EEF2K: variants seen among roughly 807,000 people sequenced by gnomAD.
EEF2K encodes the protein eukaryotic elongation factor 2 kinase, also known as alternative protein EEF2K.
A neutral mutation model predicts 93.8 loss-of-function variants in EEF2K; 70 were observed. That is an observed-to-expected ratio of 0.75 (90% CI 0.62 to 0.91). EEF2K has a LOEUF of 0.91. Ranked by LOEUF, EEF2K falls within the 40% of genes least tolerant of loss-of-function variation. The pLI is 0.00. For synonymous variants in EEF2K, 376 were observed against 380.8 expected (o/e 0.99, Z 0.15); for missense variants, 935 against 972.9 (o/e 0.96, Z 0.52).
intron 1 of EEF2K, among the ~76,000 whole-genome samples, chr16:22,225,236 G>A (rs546364208): frequency 6.2e-4 from 94 of 152,240 alleles, no homozygotes; most frequent in Non-Finnish European, 1.1e-3. Context: ...GAGCAGCCAG[G>A]GCCGGAGGAG....
chr16:22,208,550 C>A (rs537983664), intron 1 of EEF2K, among the ~76,000 whole-genome samples: 1 of 152,010 alleles, frequency 6.6e-6, no homozygotes, highest in Non-Finnish European at 1.5e-5. Context: ...AAAGATCCAC[C>A]AATTTGTTTT....
At chr16:22,243,965 C>T (rs575471127) in intron 2 of EEF2K, among the ~76,000 whole-genome samples, 21 of 148,108 alleles carry the variant, frequency 1.4e-4, no homozygotes, top group Admixed American at 1.2e-3. Context: ...CAGTGGCTCA[C>T]GCCTGTAATG....
At chr16:22,228,576 C>T (rs1047818908) in intron 2 of EEF2K, among the ~76,000 whole-genome samples, 14 of 152,238 alleles carry the variant, frequency 9.2e-5, no homozygotes, top group African/African-American at 3.4e-4. Context: ...GGGCCGACAG[C>T]AGGCCCACGC....
chr16:22,258,997 A>G (rs2047436900), intron 10 of EEF2K, among the ~76,000 whole-genome samples: 1 of 150,026 alleles, frequency 6.7e-6, no homozygotes. Context: ...CTTATTTAAA[A>G]TTTGTATTTG....
chr16:22,240,650 A>G (rs947721512), intron 2 of EEF2K, among the ~76,000 whole-genome samples: 1 of 152,206 alleles, frequency 6.6e-6, no homozygotes, highest in Non-Finnish European at 1.5e-5. Context: ...AAATGAAAGG[A>G]GGTTACCCCA....
At chr16:22,233,298 C>T (rs1187265140) in intron 2 of EEF2K, among the ~76,000 whole-genome samples, 1 of 152,144 alleles carries the variant, frequency 6.6e-6, no homozygotes, top group Non-Finnish European at 1.5e-5. Context: ...TTTTCTCCTT[C>T]TCTGTCATTT....
chr16:22,225,741 A>G lies in EEF2K; in HGVS notation c.12A>G (p.Glu4=). The G allele has an allele frequency of 6.2e-7, 1 of 1,614,164 alleles. No individual in the cohort carries two copies. The highest frequency in any genetic ancestry group is 8.5e-7 in the Non-Finnish European group (1 of 1,180,006). Residue 4 remains glutamate, a synonymous_variant, in exon 2 of 18, where the codon GAA becomes GAG. Transcript: ENST00000263026. MAD[E]DLIFRLEGVD... Reference sequence around the variant, plus strand: ...GGCACCCCAGGAACATGGCAGACGAAGATCTCATCTTCCGCCTGGAAGGCG... The same window carrying G: ...GGCACCCCAGGAACATGGCAGACGAGGATCTCATCTTCCGCCTGGAAGGCG...
chr16:22,257,120 CT>C, intron 7 of EEF2K, 132 bp from the exon 8 acceptor site: 9 of 1,500,658 alleles, frequency 6.0e-6, no homozygotes, highest in Non-Finnish European at 6.3e-6. Flanking sequence ...CTGAAGAGGC[CT>C]TTTTCCTTTG....
chr16:22,237,750 CTT>C (rs1200715280), intron 2 of EEF2K, among the ~76,000 whole-genome samples: 1 of 152,260 alleles, frequency 6.6e-6, no homozygotes, highest in Admixed American at 6.5e-5. Context: ...ACTGAGGTCT[CTT>C]TGAGCAACTT....
intron 6 of EEF2K, among the ~76,000 whole-genome samples, chr16:22,255,730 G>A (rs766072642): frequency 1.1e-4 from 16 of 152,014 alleles, no homozygotes; most frequent in African/African-American, 1.2e-4. Flanking sequence ...GCAACATAGT[G>A]AGACCTCGTC....
intron 15 of EEF2K, among the ~76,000 whole-genome samples, chr16:22,267,694 G>T (rs1340771968): frequency 6.6e-6 from 1 of 152,148 alleles, no homozygotes; most frequent in East Asian, 1.9e-4. Flanking sequence ...CAGGTAGAAG[G>T]AACAGCATGT....
chr16:22,244,241 T>TAC (rs946871097), intron 2 of EEF2K, among the ~76,000 whole-genome samples: 3 of 151,138 alleles, frequency 2.0e-5, no homozygotes, highest in African/African-American at 4.9e-5. Context: ...TATATATATA[T>TAC]ACGTTATATT....
intron 15 of EEF2K, among the ~76,000 whole-genome samples, chr16:22,270,061 A>C (rs1413511098): frequency 6.6e-6 from 1 of 151,430 alleles, no homozygotes; most frequent in Non-Finnish European, 1.5e-5. Context: ...GGTTCAAGCA[A>C]TTCTCCTGCC....
Position 22,287,985 on chromosome 16 carries a change from CTAATT to C in EEF2K, c.*3991_*3995del. 1 of 101,104 alleles carries C rather than the reference CTAATT, an allele frequency of 9.9e-6. No homozygotes were observed. Among genetic ancestry groups the C allele is most frequent in the East Asian group, 2.7e-4 (1 of 3,736 alleles). 6.3% of individuals were successfully genotyped at this position (101,104 alleles called of 1,614,324 possible). On this transcript the variant is annotated 3_prime_UTR_variant, in exon 18 of 18. Transcript: ENST00000263026. Reference sequence around the variant, plus strand: ...TACAGATGTGCACCATCACATCTGGCTAATTTTTTTTTTTTTTTTTTTGAGGTGGA... The same window carrying C: ...TACAGATGTGCACCATCACATCTGGCTTTTTTTTTTTTTTTTTGAGGTGGA...
intron 15 of EEF2K, among the ~76,000 whole-genome samples, chr16:22,268,566 A>G (rs1316837883): frequency 6.6e-6 from 1 of 152,104 alleles, no homozygotes; most frequent in Non-Finnish European, 1.5e-5. Flanking sequence ...TCCTGGGTTC[A>G]AGCGATCCTC....
intron 15 of EEF2K, 40 bp from the exon 16 acceptor site, chr16:22,273,586 C>T (rs1239148759): frequency 6.2e-7 from 1 of 1,609,956 alleles, no homozygotes; most frequent in Non-Finnish European, 8.5e-7. Flanking sequence ...GTGTAAGCCT[C>T]ATTCACTCTT....
intron 16 of EEF2K, among the ~76,000 whole-genome samples, chr16:22,276,295 T>C (rs1283459235): frequency 6.6e-6 from 1 of 152,014 alleles, no homozygotes; most frequent in Non-Finnish European, 1.5e-5. Context: ...CTACCATAGA[T>C]AGAGGGAGGG....
At chr16:22,249,048 C>T (rs1248666140) in intron 4 of EEF2K, among the ~76,000 whole-genome samples, 3 of 150,094 alleles carry the variant, frequency 2.0e-5, no homozygotes, top group Non-Finnish European at 4.4e-5. Context: ...CAGCTCACTG[C>T]AGCCTTGACC....
intron 13 of EEF2K, chr16:22,265,274 G>C (rs2047506268): frequency 5.6e-6 from 1 of 179,430 alleles, no homozygotes; most frequent in South Asian, 1.3e-4. Flanking sequence ...ACTTTCCCCA[G>C]GTTACCCTCG....
Sources: allele counts gnomAD v4.1 joint callset (sites outside exome capture counted in the v4.1 genomes callset), GRCh38; gene constraint gnomAD v4.1.1; transcripts MANE v1.5; gene names NCBI Gene and HGNC (gene_info 2026-07-23, HGNC 2026-07-21).